CELF4: variants seen among roughly 807,000 people sequenced by gnomAD.
CELF4 encodes the protein CUGBP Elav-like family member 4.
CELF4 carries 18 observed loss-of-function variants against 59.9 expected under a neutral mutation model. That is an observed-to-expected ratio of 0.30 (90% CI 0.21 to 0.45). The LOEUF (loss-of-function observed/expected upper bound fraction) is 0.45, where lower values mean the gene tolerates loss of function less well. Ranked by LOEUF, CELF4 falls within the 20% of genes least tolerant of loss-of-function variation. CELF4 has a pLI of 1.00. For missense variants in CELF4, 456 were observed against 689.0 expected (o/e 0.66, Z 3.79); for synonymous variants, 261 against 267.1 (o/e 0.98, Z 0.22).
chr18:37,318,883 C>T (rs1412447167), intron 3 of CELF4, among the ~76,000 whole-genome samples: 1 of 152,168 alleles, frequency 6.6e-6, no homozygotes, highest in Non-Finnish European at 1.5e-5. Flanking sequence ...CTCTGACCTG[C>T]CTGCTCCACA....
chr18:37,476,945 A>G (rs1243563119), intron 2 of CELF4, among the ~76,000 whole-genome samples: 1 of 152,196 alleles, frequency 6.6e-6, no homozygotes, highest in Non-Finnish European at 1.5e-5. Context: ...TTCTACATCC[A>G]TGACCAGAGA....
At chr18:37,448,520 C>T (rs2154601523) in intron 2 of CELF4, among the ~76,000 whole-genome samples, 1 of 152,372 alleles carries the variant, frequency 6.6e-6, no homozygotes, top group African/African-American at 2.4e-5. Context: ...GCATGTCCAG[C>T]TCTGACGCAT....
At chr18:37,450,512 G>GT (rs2099760351) in intron 2 of CELF4, among the ~76,000 whole-genome samples, 1 of 151,462 alleles carries the variant, frequency 6.6e-6, no homozygotes, top group African/African-American at 2.4e-5. Context: ...CCCTCCCCAG[G>GT]TTTTTTCCCT....
At chr18:37,521,961 G>A (rs140280218) in intron 1 of CELF4, among the ~76,000 whole-genome samples, 119 of 152,294 alleles carry the variant, frequency 7.8e-4, no homozygotes, top group Admixed American at 2.7e-3. Context: ...CCACCGTGCC[G>A]GGTTATAGCG....
chr18:37,451,015 A>C (rs1042769134), intron 2 of CELF4, among the ~76,000 whole-genome samples: 1 of 152,112 alleles, frequency 6.6e-6, no homozygotes, highest in Non-Finnish European at 1.5e-5. Flanking sequence ...AAAGCAGCCC[A>C]CATGTTGCAG....
At chr18:37,344,879 A>G (rs2098193825) in intron 2 of CELF4, among the ~76,000 whole-genome samples, 1 of 152,128 alleles carries the variant, frequency 6.6e-6, no homozygotes, top group Admixed American at 6.5e-5. Flanking sequence ...CCCCCTAGAG[A>G]TGCACATGAA....
intron 2 of CELF4, among the ~76,000 whole-genome samples, chr18:37,326,246 A>G (rs932433097): frequency 3.3e-5 from 5 of 152,130 alleles, no homozygotes; most frequent in South Asian, 4.1e-4. Flanking sequence ...GAGCCAGGAG[A>G]GGAGGGAAGA....
chr18:37,360,766 C>T (rs979454426), intron 2 of CELF4, among the ~76,000 whole-genome samples: 3 of 151,960 alleles, frequency 2.0e-5, no homozygotes, highest in Non-Finnish European at 1.5e-5. Flanking sequence ...TTCAGGAGGA[C>T]CACCAGTGGG....
At chr18:37,289,885 C>A (rs2095208578) in intron 3 of CELF4, among the ~76,000 whole-genome samples, 2 of 152,292 alleles carry the variant, frequency 1.3e-5, no homozygotes, top group Non-Finnish European at 2.9e-5. Flanking sequence ...TCTAAGCCTG[C>A]AGACTGGGCA....
chr18:37,332,744 G>C (rs1291108501), intron 2 of CELF4, among the ~76,000 whole-genome samples: 2 of 152,332 alleles, frequency 1.3e-5, no homozygotes, highest in African/African-American at 4.8e-5. Flanking sequence ...GCGCGTGGCA[G>C]GTAAGGTGGA....
intron 3 of CELF4, among the ~76,000 whole-genome samples, chr18:37,307,900 G>A (rs985662740): frequency 2.0e-5 from 3 of 152,180 alleles, no homozygotes; most frequent in African/African-American, 4.8e-5. Flanking sequence ...GTACCGTGAC[G>A]AAAGCTCTGA....
chr18:37,281,628 A>C (rs1033712777), intron 3 of CELF4, among the ~76,000 whole-genome samples: 1 of 152,198 alleles, frequency 6.6e-6, no homozygotes, highest in Non-Finnish European at 1.5e-5. Context: ...TTGGGGGTGC[A>C]GAGAAAATGC....
At chr18:37,443,688 C>T (rs914476694) in intron 2 of CELF4, among the ~76,000 whole-genome samples, 3 of 152,094 alleles carry the variant, frequency 2.0e-5, no homozygotes, top group Non-Finnish European at 4.4e-5. Context: ...GGGTGGGGAG[C>T]AGACCCTGAT....
In CELF4 at chr18:37,555,606, C is replaced by T. The variant is rs566376801; in HGVS notation, c.286+9750G>A. 5.3e-5 allele frequency among the ~76,000 whole-genome samples: 8 copies of T among 152,118 alleles called. No individual in the cohort carries two copies. In the South Asian group the frequency reaches 8.3e-4, roughly 16 times the overall value. On this transcript the variant is annotated intron_variant, in intron 1 of 12. Coordinates refer to ENST00000420428, the MANE Select transcript of CELF4 (RefSeq NM_020180.4). The stretch of plus-strand genomic sequence containing the variant: ...TCCTCCCAGCCTCACCCATCAACAG[C>T]GACATGATACAGTTTCTGGTTATAT...
At chr18:37,537,793 A>G (rs1458356720) in intron 1 of CELF4, among the ~76,000 whole-genome samples, 3 of 152,184 alleles carry the variant, frequency 2.0e-5, no homozygotes, top group Non-Finnish European at 2.9e-5. Flanking sequence ...AAACTTTTTT[A>G]TTCAACCTGA....
chr18:37,348,577 C>T lies in CELF4; in HGVS notation c.370-26696G>A, dbSNP rs1327335067. On this transcript the variant is annotated intron_variant, in intron 2 of 12. Coordinates refer to ENST00000420428, the MANE Select transcript of CELF4 (RefSeq NM_020180.4). The stretch of plus-strand genomic sequence containing the variant: ...GGATTTGGAGAGCAAGGGACAGGAC[C>T]ATGGCCTTGAAAGTCTTGGAGCAGT... 1.3e-5 allele frequency among the ~76,000 whole-genome samples: 2 copies of T among 152,064 alleles called. 1 individual carries two copies. Among genetic ancestry groups the T allele is most frequent in the South Asian group, 4.2e-4 (2 of 4,816 alleles).
At chr18:37,490,943 C>T (rs2099901768) in intron 1 of CELF4, among the ~76,000 whole-genome samples, 1 of 152,156 alleles carries the variant, frequency 6.6e-6, no homozygotes, top group Non-Finnish European at 1.5e-5. Flanking sequence ...TTCTGTCCCA[C>T]CTCTTCCTGA....
intron 2 of CELF4, among the ~76,000 whole-genome samples, chr18:37,359,730 G>A (rs2098670281): frequency 6.6e-6 from 1 of 152,144 alleles, no homozygotes; most frequent in African/African-American, 2.4e-5. Context: ...TGTATTTTTA[G>A]TAGAGAAAGG....
intron 2 of CELF4, among the ~76,000 whole-genome samples, chr18:37,351,141 T>C (rs1310284603): frequency 6.6e-6 from 1 of 152,160 alleles, no homozygotes; most frequent in Non-Finnish European, 1.5e-5. Context: ...GGGAGGGGCT[T>C]GCACATGCCA....
Sources: allele counts gnomAD v4.1 joint callset (sites outside exome capture counted in the v4.1 genomes callset), GRCh38; gene constraint gnomAD v4.1.1; transcripts MANE v1.5; gene names NCBI Gene and HGNC (gene_info 2026-07-23, HGNC 2026-07-21).